The following PDE7B variants were observed in gnomAD, a reference collection of about 807,000 sequenced individuals.
The protein encoded by PDE7B is 3',5'-cyclic-AMP phosphodiesterase 7B.
In PDE7B, 29 loss-of-function variants were observed where a neutral mutation model predicts 56.2. The ratio of observed to expected loss-of-function variants is 0.52; its 90% CI spans 0.38 to 0.70. PDE7B has a LOEUF of 0.70. PDE7B is among the 30% of genes least tolerant of loss of function. The pLI, the probability that PDE7B is intolerant of heterozygous loss-of-function variation, is 0.00. For missense variants in PDE7B, 490 were observed against 565.0 expected (o/e 0.87, Z 1.35); for synonymous variants, 197 against 196.9 (o/e 1.00, Z 0.00).
intron 2 of PDE7B, among the ~76,000 whole-genome samples, chr6:136,040,586 T>G (rs1054698346): frequency 3.3e-5 from 5 of 152,170 alleles, no homozygotes; most frequent in Non-Finnish European, 5.9e-5. Context: ...CTGGCATTTT[T>G]TTGTTTGTTT....
chr6:136,187,105 G>A lies in PDE7B; in HGVS notation c.1115G>A (p.Ser372Asn), dbSNP rs1779157085. 1 of 1,541,476 alleles carries A rather than the reference G, an allele frequency of 6.5e-7. No individual in the cohort carries two copies. Among genetic ancestry groups the A allele is most frequent in the Non-Finnish European group, 9.0e-7 (1 of 1,116,378 alleles). ...AATCAACAGAAAGATTCCATCCCTA[G>A]TATACAAATTGGTGAGTTGAATTCA... ...LCNQQKDSIP[S>N]IQIGFMSYIV... Residue 372 changes from serine to asparagine, a missense_variant, in exon 12 of 13, where the codon AGT (serine) becomes AAT (asparagine). Ser to Asn is a conservative substitution (Grantham distance 46). Transcript: ENST00000308191.
chr6:135,896,496 C>G (rs1283224160), intron 1 of PDE7B, among the ~76,000 whole-genome samples: 1 of 152,146 alleles, frequency 6.6e-6, no homozygotes, highest in Non-Finnish European at 1.5e-5. Context: ...CCAGGCTAAT[C>G]TGCTTCAAAA....
At chr6:136,053,228 G>C (rs1259287093) in intron 2 of PDE7B, among the ~76,000 whole-genome samples, 2 of 108,290 alleles carry the variant, frequency 1.8e-5, no homozygotes, top group Non-Finnish European at 3.4e-5. Context: ...CCCCACAACA[G>C]GCCCGGTGTG....
intron 3 of PDE7B, among the ~76,000 whole-genome samples, chr6:136,116,249 A>G (rs1777828136): frequency 1.3e-5 from 2 of 152,232 alleles, no homozygotes; most frequent in African/African-American, 4.8e-5. Flanking sequence ...ATGAGGACAT[A>G]ACGTCATTAA....
chr6:135,896,184 T>C (rs1775898730), intron 1 of PDE7B, among the ~76,000 whole-genome samples: 1 of 152,170 alleles, frequency 6.6e-6, no homozygotes, highest in African/African-American at 2.4e-5. Context: ...CAGCCTATTC[T>C]CCTTGTGCTG....
At chr6:135,991,847 G>T (rs867710438) in intron 2 of PDE7B, 63 of 152,158 alleles carry the variant, frequency 4.1e-4, no homozygotes, top group African/African-American at 1.4e-3. Flanking sequence ...CCTTCAACAT[G>T]CATGTTGATC....
intron 2 of PDE7B, among the ~76,000 whole-genome samples, chr6:135,956,736 C>T (rs1774801715): frequency 1.3e-5 from 2 of 151,710 alleles, no homozygotes; most frequent in South Asian, 4.2e-4. Context: ...ACCATGATGG[C>T]ACCACTGCAC....
At chr6:135,908,539 G>A (rs571106436) in intron 1 of PDE7B, among the ~76,000 whole-genome samples, 1 of 152,000 alleles carries the variant, frequency 6.6e-6, no homozygotes, top group Admixed American at 6.5e-5. Context: ...ATAAGAATAT[G>A]TTAAAAAAAA....
chr6:136,108,261 C>G (rs1374130619), intron 2 of PDE7B, among the ~76,000 whole-genome samples: 1 of 152,010 alleles, frequency 6.6e-6, no homozygotes. Context: ...AGCCTGTGAG[C>G]CGATTCTAAA....
intron 1 of PDE7B, among the ~76,000 whole-genome samples, chr6:135,919,495 A>G (rs1213818887): frequency 6.6e-6 from 1 of 152,254 alleles, no homozygotes; most frequent in Non-Finnish European, 1.5e-5. Flanking sequence ...TAGTCCCTAC[A>G]ACCACATATA....
At chr6:135,988,854 C>T (rs1187763468) in intron 2 of PDE7B, among the ~76,000 whole-genome samples, 1 of 152,154 alleles carries the variant, frequency 6.6e-6, no homozygotes, top group Non-Finnish European at 1.5e-5. Flanking sequence ...AAAAGACAGA[C>T]TGATGGATGT....
intron 9 of PDE7B, among the ~76,000 whole-genome samples, chr6:136,174,715 G>A (rs1778949002): frequency 6.6e-6 from 1 of 152,174 alleles, no homozygotes; most frequent in South Asian, 2.1e-4. Context: ...TATACTCTGG[G>A]TTGTGGATTG....
intron 2 of PDE7B, among the ~76,000 whole-genome samples, chr6:136,020,703 C>G (rs566020274): frequency 6.6e-5 from 10 of 152,212 alleles, no homozygotes; most frequent in African/African-American, 2.2e-4. Context: ...GCTATGGTCT[C>G]TAAATAAGCA....
rs551277813 is a variant in PDE7B at position 136,194,231 on chromosome 6, A to T, written c.*2391A>T. On this transcript the variant is annotated 3_prime_UTR_variant, in exon 13 of 13. Transcript: ENST00000308191. ...AGGAAAGAAGACACTATTTTAGCTA[A>T]TGGGGTTTCTTGGGACTAAAAAATG... The T allele has an allele frequency of 1.3e-5, 2 of 152,272 alleles. No homozygotes were observed. The highest frequency in any genetic ancestry group is 3.9e-4 in the East Asian group (2 of 5,188). The allele number at this position is 152,272 out of a possible 1,614,324, so 9.4% of individuals were successfully genotyped here. A position where few individuals can be genotyped will look rare whatever the true frequency, so the allele number is the denominator to read the frequency against.
intron 11 of PDE7B, among the ~76,000 whole-genome samples, chr6:136,184,953 A>T (rs936981833): frequency 1.6e-4 from 25 of 152,180 alleles, no homozygotes; most frequent in African/African-American, 5.5e-4. Context: ...CTCAGATGAG[A>T]TGGAGGGTGA....
chr6:135,901,470 G>T (rs1264608627), intron 1 of PDE7B, among the ~76,000 whole-genome samples: 1 of 152,114 alleles, frequency 6.6e-6, no homozygotes, highest in Non-Finnish European at 1.5e-5. Flanking sequence ...CATAGCAGAT[G>T]ACTGAATGAG....
Position 136,066,286 on chromosome 6 carries a change from T to C in PDE7B, c.83-42445T>C, listed in dbSNP as rs565112577. Among the ~76,000 whole-genome samples, 4 of 152,286 alleles carry C rather than the reference T, an allele frequency of 2.6e-5. No homozygotes were observed. The East Asian group carries it at 7.7e-4, about 29-fold the overall frequency. ...CCTTAGAGCAGATGTGCACCTTGGA[T>C]TCCATGTTTGCTGTTTGGGTTTGGT... On this transcript the variant is annotated intron_variant, in intron 2 of 12. Coordinates refer to ENST00000308191, the MANE Select transcript of PDE7B (RefSeq NM_018945.4).
At chr6:136,067,008 A>G (rs946643559) in intron 2 of PDE7B, among the ~76,000 whole-genome samples, 6 of 152,056 alleles carry the variant, frequency 3.9e-5, no homozygotes, top group African/African-American at 1.4e-4. Flanking sequence ...GGTGTATGCG[A>G]CCACACCCAG....
chr6:135,971,787 T>C (rs978595481), intron 2 of PDE7B, among the ~76,000 whole-genome samples: 9 of 152,160 alleles, frequency 5.9e-5, no homozygotes, highest in African/African-American at 9.7e-5. Flanking sequence ...ACCAGGCTGC[T>C]GTGAAGTCCA....
Sources: allele counts gnomAD v4.1 joint callset (sites outside exome capture counted in the v4.1 genomes callset), GRCh38; gene constraint gnomAD v4.1.1; transcripts MANE v1.5; gene names NCBI Gene and HGNC (gene_info 2026-07-23, HGNC 2026-07-21).